The following PEX6 variants were observed in gnomAD, a reference collection of about 807,000 sequenced individuals.
PEX6 encodes peroxisomal biogenesis factor 6.
Under a neutral mutation model 85.6 loss-of-function variants are expected in PEX6, and 55 were observed. That is an observed-to-expected ratio of 0.64 (90% CI 0.52 to 0.80). The LOEUF (loss-of-function observed/expected upper bound fraction) is 0.80, where lower values mean the gene tolerates loss of function less well. Ranked by LOEUF, PEX6 falls within the 30% of genes least tolerant of loss-of-function variation. The pLI is 0.00. For synonymous variants in PEX6, 519 were observed against 549.1 expected (o/e 0.95, Z 0.77); for missense variants, 1,099 against 1,260.3 (o/e 0.87, Z 1.94).
rs768229526 is a variant in PEX6, at chr6:42,966,013, T to TG, written c.2362+30dup. The TG allele has an allele frequency of 3.7e-6, 6 of 1,610,542 alleles. No homozygotes were observed. In the African/African-American group the frequency reaches 4.0e-5, roughly 11 times the overall value. On this transcript the variant is annotated intron_variant, in intron 12 of 16. Transcript: ENST00000304611. Reference sequence around the variant, plus strand: ...GGGGGCCATCGGGGTTTGGGAAGCATGGGACGCCCTGCCCCTCCCTGCTCA... The same window carrying TG: ...GGGGGCCATCGGGGTTTGGGAAGCATGGGGACGCCCTGCCCCTCCCTGCTCA...
Position 42,965,173 on chromosome 6 carries a change from A to G in PEX6, c.2589-21T>C, listed in dbSNP as rs1244094041. 1.9e-6 allele frequency: 3 copies of G among 1,613,590 alleles called. No homozygotes were observed. Among genetic ancestry groups the G allele is most frequent in the Non-Finnish European group, 2.5e-6 (3 of 1,179,476 alleles). On this transcript the variant is annotated intron_variant, in intron 14 of 16. Transcript: ENST00000304611. This position sits in a 1 kb window ranked among gnomAD's most constrained non-coding sequence, Gnocchi z 5.0. ...CAAATCTTTAGGGAGATAGGCAGGT[A>G]TAAGTTTCAGGGAGCCCAGCCATGA...
Position 42,964,491 on chromosome 6 carries a change from G to A in PEX6, c.2807-20C>T, listed in dbSNP as rs781291676. ...CCAGCCCTGGAGATGACAAGGTGGGGAGGCTGTGGTCTATGCCCAGGCAGG... is the reference window on the plus strand; with the variant it reads ...CCAGCCCTGGAGATGACAAGGTGGGAAGGCTGTGGTCTATGCCCAGGCAGG... On this transcript the variant is annotated intron_variant, in intron 16 of 16. Transcript: ENST00000304611. This position sits in a 1 kb window ranked among gnomAD's most constrained non-coding sequence, Gnocchi z 4.6. The A allele has an allele frequency of 9.9e-6, 16 of 1,612,666 alleles. No individual in the cohort carries two copies. The East Asian group carries it at 2.5e-4, about 25-fold the overall frequency.
In PEX6 at chr6:42,968,438, T is replaced by A; in HGVS notation, c.1540A>T (p.Ile514Phe). Residue 514 changes from isoleucine (I) to phenylalanine (F), a missense_variant, in exon 7 of 17, where the codon ATC becomes TTC. Physicochemically the swap from Ile to Phe is conservative, Grantham distance 21. This residue lies in a region of PEX6 where 514 missense variants were observed against 627.0 expected (regional missense o/e 0.82). Coordinates refer to ENST00000304611, the MANE Select transcript of PEX6 (RefSeq NM_000287.4). ...CGGCAACGGCGGGCCCGGGAGAAGA[T>A]GGCCTGCAGTTTTGTCTCCACAGCC... ...SGAVETKLQA[I>F]FSRARRCRPA... 6.2e-7 allele frequency: 1 copy of A among 1,609,224 alleles called. No homozygotes were observed. Among genetic ancestry groups the A allele is most frequent in the Non-Finnish European group, 8.5e-7 (1 of 1,177,820 alleles).
rs1769625878 is a variant in PEX6, at chr6:42,964,228, G to A, written c.*107C>T. 5 of 1,386,862 alleles carry A rather than the reference G, an allele frequency of 3.6e-6. No homozygotes were observed. The South Asian group carries it at 6.0e-5, about 17-fold the overall frequency. 85.9% of individuals were successfully genotyped at this position (1,386,862 alleles called of 1,614,324 possible). ...TCTCCTGGAGGGAGGTGGCCTCCAG[G>A]TGGGTTGGCAGCAGCCTGAGGAGGA... On this transcript the variant is annotated 3_prime_UTR_variant, in exon 17 of 17. Coordinates refer to ENST00000304611, the MANE Select transcript of PEX6 (RefSeq NM_000287.4). The surrounding 1 kb of genome is among the most constrained non-coding windows in gnomAD (Gnocchi z 4.6).
chr6:42,974,853 C>T (rs953434146), intron 2 of PEX6, 22 bp downstream of exon 2: 2 of 1,607,380 alleles, frequency 1.2e-6, no homozygotes, highest in Non-Finnish European at 1.7e-6. Flanking sequence ...AGCTATCCTC[C>T]TTAAAAGGTT....
At position 42,965,508 on chromosome 6, in the gene PEX6, C is replaced by G; in HGVS notation, c.2472-140G>C. 2 of 891,074 alleles carry G rather than the reference C, an allele frequency of 2.2e-6. No individual in the cohort carries two copies. Among genetic ancestry groups the G allele is most frequent in the Non-Finnish European group, 3.8e-6 (2 of 525,944 alleles). 55.2% of individuals were successfully genotyped at this position (891,074 alleles called of 1,614,324 possible). A position where few individuals can be genotyped will look rare whatever the true frequency, so the allele number is the denominator to read the frequency against. Reference sequence around the variant, plus strand: ...CAATGTGCCCCACCAGGTAGGCCCCCATTCTCCTCAGTGGACCCTGCCCAA... The same window carrying G: ...CAATGTGCCCCACCAGGTAGGCCCCGATTCTCCTCAGTGGACCCTGCCCAA... On this transcript the variant is annotated intron_variant, in intron 13 of 16. Coordinates refer to ENST00000304611, the MANE Select transcript of PEX6 (RefSeq NM_000287.4). This position sits in a 1 kb window ranked among gnomAD's most constrained non-coding sequence, Gnocchi z 5.0.
intron 1 of PEX6, 149 bp downstream of exon 1, chr6:42,978,120 C>CA (rs781024037): frequency 4.3e-6 from 4 of 936,524 alleles, no homozygotes; most frequent in Non-Finnish European, 6.7e-6. Flanking sequence ...GCTGGGATTA[C>CA]AGGCGTGAGT....
chr6:42,973,073 G>A (rs1237337252), intron 3 of PEX6, among the ~76,000 whole-genome samples: 2 of 152,060 alleles, frequency 1.3e-5, no homozygotes, highest in Non-Finnish European at 2.9e-5. Flanking sequence ...GAGCAGTGAT[G>A]CGATCTGGGC....
In PEX6 at chr6:42,971,926, G is replaced by C. The variant is rs376227141; in HGVS notation, c.1131-1939C>G. Reference sequence around the variant, plus strand: ...TTTGCTAAATTTATGATAGGAGAGAGAGGTGGGAAGTGACTGCTAAGTGCC... The same window carrying C: ...TTTGCTAAATTTATGATAGGAGAGACAGGTGGGAAGTGACTGCTAAGTGCC... On this transcript the variant is annotated intron_variant, in intron 3 of 16. Transcript: ENST00000304611. This position sits in a 1 kb window ranked among gnomAD's most constrained non-coding sequence, Gnocchi z 4.4. Among the ~76,000 whole-genome samples, 2 of 152,370 alleles carry C rather than the reference G, an allele frequency of 1.3e-5. No homozygotes were observed. Among genetic ancestry groups the C allele is most frequent in the South Asian group, 2.1e-4 (1 of 4,830 alleles).
rs763572345 is a variant in PEX6 at position 42,965,805 on chromosome 6, G to A, written c.2363-16C>T. 1 of 1,604,428 alleles carries A rather than the reference G, an allele frequency of 6.2e-7. No homozygotes were observed. Among genetic ancestry groups the A allele is most frequent in the South Asian group, 1.1e-5 (1 of 90,856 alleles). The stretch of plus-strand genomic sequence containing the variant: ...CTGGCAAACACTGAAGAGAGAGAGG[G>A]GCCCACAGGAGGGCAAAGCTCGGCT... On this transcript the variant is annotated splice_polypyrimidine_tract_variant and intron_variant, in intron 12 of 16. Coordinates refer to ENST00000304611, the MANE Select transcript of PEX6 (RefSeq NM_000287.4). The surrounding 1 kb of genome is among the most constrained non-coding windows in gnomAD (Gnocchi z 5.0).
At chr6:42,970,049 C>T in intron 3 of PEX6, 62 bp from the exon 4 acceptor site, 2 of 1,293,720 alleles carry the variant, frequency 1.5e-6, no homozygotes, top group South Asian at 1.2e-5. Flanking sequence ...TCCTCAAGGA[C>T]AAGGTTTCTC....
At chr6:42,974,443 TTTTTTTTG>T (rs1167041152) in intron 2 of PEX6, among the ~76,000 whole-genome samples, 31 of 88,750 alleles carry the variant, frequency 3.5e-4, no homozygotes, top group Non-Finnish European at 4.5e-4. Flanking sequence ...GTCTGAAATG[TTTTTTTTG>T]TTTTTTTTTT....
chr6:42,968,938 G>A lies in PEX6; in HGVS notation c.1415C>T (p.Pro472Leu), dbSNP rs1769951744. The change falls in exon 6 of 17, where the codon CCA becomes CTA. Residue 472 changes from proline (P) to leucine (L), a missense_variant. Coordinates refer to ENST00000304611, the MANE Select transcript of PEX6 (RefSeq NM_000287.4). The stretch of plus-strand genomic sequence containing the variant: ...AACTACTGTGGTCTTCCCACAGCCT[G>A]GGGGGCCCCGTAGAAGGACACTGCT... ...GTSSVLLRGP[P>L]GCGKTTVVAA... 6.2e-7 allele frequency: 1 copy of A among 1,613,534 alleles called. No individual in the cohort carries two copies. The highest frequency in any genetic ancestry group is 1.1e-5 in the South Asian group (1 of 91,068).
chr6:42,968,733 T>G (rs1020896263), intron 6 of PEX6, 141 bp downstream of exon 6: 1 of 792,458 alleles, frequency 1.3e-6, no homozygotes, highest in Non-Finnish European at 2.2e-6. Flanking sequence ...CTCAGCATCA[T>G]GGGAATATGC....
At chr6:42,969,619 A>G (rs1561823596) in intron 5 of PEX6, 49 bp downstream of exon 5, 2 of 1,610,424 alleles carry the variant, frequency 1.2e-6, no homozygotes, top group East Asian at 2.2e-5. Context: ...TCCTCCAGGG[A>G]TGTTCTAAGC....
chr6:42,966,619 A>G lies in PEX6; in HGVS notation c.2000T>C (p.Leu667Pro). Residue 667 changes from leucine (L) to proline (P), a missense_variant, in exon 10 of 17, where the codon CTG becomes CCG. Transcript: ENST00000304611. Reference sequence around the variant, plus strand: ...CAGGAGAGGAAAGCCGGCAGCACACAGCTCCCCCTCATCCTCCTCAGTCAA... The same window carrying G: ...CAGGAGAGGAAAGCCGGCAGCACACGGCTCCCCCTCATCCTCCTCAGTCAA... The part of the protein sequence containing the change: ...GGLTEEDEGE[L>P]CAAGFPLLAE... The G allele has an allele frequency of 6.2e-7, 1 of 1,614,148 alleles. No homozygotes were observed. Among genetic ancestry groups the G allele is most frequent in the Non-Finnish European group, 8.5e-7 (1 of 1,180,022 alleles).
intron 1 of PEX6, among the ~76,000 whole-genome samples, chr6:42,976,901 A>AAT (rs1770320937): frequency 1.3e-5 from 2 of 152,214 alleles, no homozygotes; most frequent in South Asian, 4.1e-4. Context: ...AGGTATTTAC[A>AAT]ATATATAATT....
Position 42,966,332 on chromosome 6 carries a change from C to T in PEX6, c.2210G>A (p.Arg737His), listed in dbSNP as rs767654358. 2.1e-5 allele frequency: 34 copies of T among 1,613,258 alleles called. No homozygotes were observed. The highest frequency in any genetic ancestry group is 1.6e-4 in the Middle Eastern group (1 of 6,082). Residue 737 changes from arginine (R) to histidine (H), a missense_variant, in exon 11 of 17, where the codon CGC (arginine) becomes CAC (histidine). This residue lies in a region of PEX6 where 514 missense variants were observed against 627.0 expected (regional missense o/e 0.82). Transcript: ENST00000304611. ...HPELLSLGLRRSGLLLHGPPG... is the reference protein window; with the variant it reads ...HPELLSLGLRHSGLLLHGPPG... The stretch of plus-strand genomic sequence containing the variant: ...GGGCCCATGGAGCAGAAGGCCTGAG[C>T]GTCTCAGGCCCAGGCTCAGTAGCTC...
Position 42,978,776 on chromosome 6 carries a change from C to G in PEX6, c.375G>C (p.Val125=). Residue 125 remains valine, a synonymous_variant, in exon 1 of 17, where the codon GTG becomes GTC. Coordinates refer to ENST00000304611, the MANE Select transcript of PEX6 (RefSeq NM_000287.4). ...GCACTGGGAGGGTCTCTCCGCGCCT[C>G]ACCAGCAGCGGCCCGACTCGCGGTC... is the stretch of plus-strand genomic sequence containing the variant. The part of the protein sequence containing the change: ...GLGPRVGPLL[V]RRGETLPVPG... 6.5e-7 allele frequency: 1 copy of G among 1,534,742 alleles called. No homozygotes were observed. Among genetic ancestry groups the G allele is most frequent in the East Asian group, 2.4e-5 (1 of 40,934 alleles).
Sources: allele counts gnomAD v4.1 joint callset (sites outside exome capture counted in the v4.1 genomes callset), GRCh38; gene constraint gnomAD v4.1.1; regional missense constraint gnomAD v4.1.1; non-coding constraint Gnocchi (gnomAD v3.1); transcripts MANE v1.5; gene names NCBI Gene and HGNC (gene_info 2026-07-23, HGNC 2026-07-21).